The following UNC13C variants were observed in gnomAD, a reference collection of about 807,000 sequenced individuals.
UNC13C encodes the protein unc-13 homolog C, also known as protein unc-13 homolog C.
In UNC13C, 174 loss-of-function variants were observed where a neutral mutation model predicts 245.4. The ratio of observed to expected loss-of-function variants is 0.71; its 90% CI spans 0.63 to 0.80. The LOEUF (loss-of-function observed/expected upper bound fraction) is 0.80, where lower values mean the gene tolerates loss of function less well. Ranked by LOEUF, UNC13C falls within the 30% of genes least tolerant of loss-of-function variation. The pLI, the probability that UNC13C is intolerant of heterozygous loss-of-function variation, is 0.00. For synonymous variants in UNC13C, 992 were observed against 895.1 expected (o/e 1.11, Z -1.93); for missense variants, 2,829 against 2,602.9 (o/e 1.09, Z -1.89).
chr15:53,885,757 C>T, the UNC13C span, among the ~76,000 whole-genome samples: 1 of 152,070 alleles, frequency 6.6e-6, no homozygotes, highest in Non-Finnish European at 1.5e-5. Flanking sequence ...AATAAATGTA[C>T]CATAAATGTG....
chr15:54,283,556 A>C (rs558712663), intron 10 of UNC13C, among the ~76,000 whole-genome samples: 1 of 152,098 alleles, frequency 6.6e-6, no homozygotes, highest in Non-Finnish European at 1.5e-5. Flanking sequence ...AGAATGTATT[A>C]TATTTTATAT....
At chr15:54,198,319 C>T (rs2034420950) in intron 4 of UNC13C, among the ~76,000 whole-genome samples, 1 of 152,084 alleles carries the variant, frequency 6.6e-6, no homozygotes, top group Non-Finnish European at 1.5e-5. Context: ...AACCAGATGC[C>T]CCTAGGGGAA....
chr15:53,928,063 G>A, the UNC13C span, among the ~76,000 whole-genome samples: 6 of 152,142 alleles, frequency 3.9e-5, no homozygotes, highest in Admixed American at 1.3e-4. Context: ...AGAGATTGCC[G>A]AGACCAGCTC....
At chr15:54,177,452 A>T (rs575221375) in intron 4 of UNC13C, among the ~76,000 whole-genome samples, 2 of 152,286 alleles carry the variant, frequency 1.3e-5, no homozygotes, top group East Asian at 3.9e-4. Context: ...ATATGCATGT[A>T]ATCTTCAAGT....
chr15:54,078,993 C>G (rs1019905908), intron 2 of UNC13C, among the ~76,000 whole-genome samples: 1 of 151,972 alleles, frequency 6.6e-6, no homozygotes, highest in Non-Finnish European at 1.5e-5. Flanking sequence ...TTGTATATGG[C>G]GAGAGATGGG....
intron 18 of UNC13C, among the ~76,000 whole-genome samples, chr15:54,411,380 A>G (rs1206785573): frequency 6.6e-6 from 1 of 152,130 alleles, no homozygotes; most frequent in East Asian, 1.9e-4. Context: ...TTATGGGTTT[A>G]CACCTTTGTG....
chr15:54,237,569 G>T (rs745636014), intron 6 of UNC13C, 50 bp from the exon 7 acceptor site: 1 of 1,379,846 alleles, frequency 7.2e-7, no homozygotes, highest in South Asian at 1.2e-5. Flanking sequence ...AGCAGTATAT[G>T]CACGTCAACC....
chr15:54,121,872 A>G (rs1294920707), intron 2 of UNC13C, among the ~76,000 whole-genome samples: 2 of 151,890 alleles, frequency 1.3e-5, no homozygotes, highest in Non-Finnish European at 2.9e-5. Context: ...TGTCAGATTT[A>G]TCTTATGGAC....
chr15:54,412,559 A>T (rs770283193), intron 18 of UNC13C, among the ~76,000 whole-genome samples: 3 of 152,226 alleles, frequency 2.0e-5, no homozygotes, highest in African/African-American at 2.4e-5. Flanking sequence ...AGATGCTATT[A>T]TAAATGATAC....
In UNC13C at chr15:54,369,521, A is replaced by C. The variant is rs193148449; in HGVS notation, c.4714-23527A>C. On this transcript the variant is annotated intron_variant, in intron 17 of 32. Transcript: ENST00000260323. Reference sequence around the variant, plus strand: ...AAAATGCACCACAAATTTTATATCTACCTAATGAATTGATAAATCCAGAAG... The same window carrying C: ...AAAATGCACCACAAATTTTATATCTCCCTAATGAATTGATAAATCCAGAAG... 2.1e-4 allele frequency among the ~76,000 whole-genome samples: 32 copies of C among 152,266 alleles called. No homozygotes were observed. The East Asian group carries it at 2.5e-3, about 12-fold the overall frequency.
At chr15:54,558,228 T>A (rs1485662263) in intron 29 of UNC13C, among the ~76,000 whole-genome samples, 1 of 152,078 alleles carries the variant, frequency 6.6e-6, no homozygotes, top group Non-Finnish European at 1.5e-5. Flanking sequence ...ATTGTGCACA[T>A]GTACCCTAAA....
intron 2 of UNC13C, among the ~76,000 whole-genome samples, chr15:54,075,207 C>T (rs867231685): frequency 9.2e-5 from 14 of 152,090 alleles, no homozygotes; most frequent in African/African-American, 2.2e-4. Context: ...CATCCAAGGC[C>T]GGGCGCGGTG....
At chr15:54,111,923 G>A (rs998155673) in intron 2 of UNC13C, among the ~76,000 whole-genome samples, 27 of 152,150 alleles carry the variant, frequency 1.8e-4, no homozygotes, top group Non-Finnish European at 2.9e-5. Context: ...GGCATGCAAA[G>A]TCTTTGATTT....
chr15:54,037,568 A>G (rs1487409906), intron 2 of UNC13C, among the ~76,000 whole-genome samples: 1 of 150,936 alleles, frequency 6.6e-6, no homozygotes, highest in Non-Finnish European at 1.5e-5. Flanking sequence ...ATGAATTTAT[A>G]TATATTTTTT....
intron 19 of UNC13C, among the ~76,000 whole-genome samples, chr15:54,492,256 C>T (rs1315515316): frequency 6.6e-6 from 1 of 152,028 alleles, no homozygotes; most frequent in African/African-American, 2.4e-5. Context: ...TTCTCAGATA[C>T]AGTTTATATA....
chr15:54,537,845 G>T (rs1039340414), intron 26 of UNC13C, among the ~76,000 whole-genome samples: 2 of 151,956 alleles, frequency 1.3e-5, no homozygotes, highest in Admixed American at 6.6e-5. Context: ...ACTCAAGATG[G>T]ATTAAAGATT....
At chr15:54,168,344 G>A (rs1296921554) in intron 4 of UNC13C, among the ~76,000 whole-genome samples, 1 of 152,132 alleles carries the variant, frequency 6.6e-6, no homozygotes, top group African/African-American at 2.4e-5. Flanking sequence ...ATTTCATCGA[G>A]TTTCAACAGT....
intron 13 of UNC13C, among the ~76,000 whole-genome samples, chr15:54,320,410 A>G (rs1411847248): frequency 6.6e-6 from 1 of 151,540 alleles, no homozygotes; most frequent in South Asian, 2.1e-4. Context: ...AGACACATTT[A>G]TTCCGCATCA....
At chr15:54,097,088 T>G (rs1483561462) in intron 2 of UNC13C, among the ~76,000 whole-genome samples, 2 of 152,176 alleles carry the variant, frequency 1.3e-5, no homozygotes. Flanking sequence ...ATGCCTCAAA[T>G]AAAGACAATT....
Sources: gnomAD v4.1 joint callset for allele counts (sites outside exome capture counted in the v4.1 genomes callset) on GRCh38, gnomAD v4.1.1 for gene constraint, MANE v1.5 for transcripts, NCBI Gene and HGNC (gene_info 2026-07-23, HGNC 2026-07-21) for gene names.